The following PATJ variants were observed in gnomAD, a reference collection of about 807,000 sequenced individuals.
PATJ encodes PATJ crumbs cell polarity complex component.
A neutral mutation model predicts 224.9 loss-of-function variants in PATJ; 190 were observed. That is an observed-to-expected ratio of 0.84 (90% CI 0.75 to 0.95). The LOEUF is 0.95. Ranked by LOEUF, PATJ falls within the 40% of genes least tolerant of loss-of-function variation. The probability of loss-of-function intolerance (pLI) is 0.00; values close to 1 mark genes in which losing one functional copy is unlikely to be tolerated. For synonymous variants in PATJ, 769 were observed against 820.3 expected (o/e 0.94, Z 1.07); for missense variants, 2,121 against 2,270.3 (o/e 0.93, Z 1.34).
At chr1:61,919,747 A>G (rs1184171381) in intron 26 of PATJ, among the ~76,000 whole-genome samples, 1 of 152,118 alleles carries the variant, frequency 6.6e-6, no homozygotes, top group Non-Finnish European at 1.5e-5. Flanking sequence ...CCCAAAATGT[A>G]TTTAGAAATA....
chr1:61,876,806 A>C (rs1057373303), intron 21 of PATJ, among the ~76,000 whole-genome samples: 1 of 152,158 alleles, frequency 6.6e-6, no homozygotes, highest in Non-Finnish European at 1.5e-5. Context: ...GAATTTAGAA[A>C]TCATTGTTGA....
chr1:62,153,818 A>G (rs1232313523), intron 43 of PATJ, among the ~76,000 whole-genome samples: 1 of 152,206 alleles, frequency 6.6e-6, no homozygotes, highest in Non-Finnish European at 1.5e-5. Context: ...GAACAAAAAA[A>G]AGATTTGGCT....
intron 1 of PATJ, among the ~76,000 whole-genome samples, chr1:61,749,752 C>G (rs1023614261): frequency 6.6e-6 from 1 of 151,734 alleles, no homozygotes; most frequent in African/African-American, 2.4e-5. Flanking sequence ...GATCATGGCT[C>G]ACTGCAGCCT....
chr1:62,160,688 TTAG>T (rs1226926132), intron 43 of PATJ, among the ~76,000 whole-genome samples: 3 of 151,158 alleles, frequency 2.0e-5, no homozygotes, highest in Non-Finnish European at 4.4e-5. Context: ...AGTATGTTAT[TTAG>T]ATTATCCATA....
chr1:62,121,265 A>G lies in PATJ; in HGVS notation c.4975A>G (p.Arg1659Gly). 2.5e-6 allele frequency: 4 copies of G among 1,613,762 alleles called. No individual in the cohort carries two copies. The highest frequency in any genetic ancestry group is 2.2e-5 in the East Asian group (1 of 44,870). ...TGLQNLVGTKRVSDPSQKNSG... is the reference protein window; with the variant it reads ...TGLQNLVGTKGVSDPSQKNSG... ...CCTGCAAAACCTGGTTGGCACAAAAAGAGTTTCAGATCCTTCCCAGAAAAA... is the reference window on the plus strand; with the variant it reads ...CCTGCAAAACCTGGTTGGCACAAAAGGAGTTTCAGATCCTTCCCAGAAAAA... Residue 1659 changes from arginine (R) to glycine (G), a missense_variant, in exon 38 of 44, where the codon AGA becomes GGA. Physicochemically the swap from Arg to Gly is moderately radical, Grantham distance 125. Coordinates refer to ENST00000642238, the MANE Select transcript of PATJ (RefSeq NM_001350145.3).
chr1:61,836,599 G>T (rs953713047), intron 17 of PATJ, among the ~76,000 whole-genome samples: 1 of 152,158 alleles, frequency 6.6e-6, no homozygotes, highest in Non-Finnish European at 1.5e-5. Context: ...TTTGTCAGTG[G>T]TACCTAGAAC....
chr1:62,161,268 A>T lies in PATJ; in HGVS notation c.*214A>T. 1 of 282,728 alleles carries T rather than the reference A, an allele frequency of 3.5e-6. No homozygotes were observed. 17.5% of individuals were successfully genotyped at this position (282,728 alleles called of 1,614,324 possible). A position where few individuals can be genotyped will look rare whatever the true frequency, so the allele number is the denominator to read the frequency against. ...TCCCAGTTCCTGTCACCTGTTGGCG[A>T]GGTTGATTTCTAAAACTTAAATGAG... On this transcript the variant is annotated 3_prime_UTR_variant, in exon 44 of 44. Transcript: ENST00000642238.
intron 31 of PATJ, chr1:62,073,203 TGACAGGA>T: frequency 7.1e-6 from 7 of 985,418 alleles, no homozygotes; most frequent in Non-Finnish European, 8.4e-6. Flanking sequence ...TTTTATTACT[TGACAGGA>T]GGTTGTGGAG....
intron 30 of PATJ, among the ~76,000 whole-genome samples, chr1:62,050,528 T>A (rs1423143777): frequency 1.3e-5 from 2 of 152,210 alleles, no homozygotes; most frequent in Admixed American, 1.3e-4. Context: ...GGGCTCATGC[T>A]CTCTTGTTAA....
chr1:61,807,334 G>A (rs1653798577), intron 13 of PATJ, among the ~76,000 whole-genome samples: 1 of 151,780 alleles, frequency 6.6e-6, no homozygotes, highest in African/African-American at 2.4e-5. Flanking sequence ...GAGCCACCAC[G>A]CTCGCTTAAT....
At chr1:62,045,887 T>A (rs1652450977) in intron 30 of PATJ, among the ~76,000 whole-genome samples, 1 of 152,110 alleles carries the variant, frequency 6.6e-6, no homozygotes, top group South Asian at 2.1e-4. Context: ...TCATGAGCCA[T>A]TCTGTTCTCA....
In PATJ at chr1:61,774,805, C is replaced by A. The variant is rs548279036; in HGVS notation, c.721-401C>A. Among the ~76,000 whole-genome samples, 11 of 152,192 alleles carry A rather than the reference C, an allele frequency of 7.2e-5. 1 individual carries two copies. In the South Asian group the frequency reaches 2.3e-3, roughly 32 times the overall value. On this transcript the variant is annotated intron_variant, in intron 6 of 43. Transcript: ENST00000642238. ...GGTTTTGACTTCATGTGCTCCCCTC[C>A]CTGTAAAAAATCTTTATAATATTTT...
chr1:62,076,155 A>G lies in PATJ; in HGVS notation c.4126-3295A>G, dbSNP rs1391891066. 2.6e-5 allele frequency among the ~76,000 whole-genome samples: 4 copies of G among 152,164 alleles called. No individual in the cohort carries two copies. The East Asian group carries it at 7.7e-4, about 29-fold the overall frequency. On this transcript the variant is annotated intron_variant, in intron 31 of 43. Transcript: ENST00000642238. The stretch of plus-strand genomic sequence containing the variant: ...TTGTTTTGTTTTTGAGACATCGTTT[A>G]AAGTTAAACCATGGATTCTTAAGCC...
At chr1:61,910,915 G>A (rs937433001) in intron 25 of PATJ, among the ~76,000 whole-genome samples, 8 of 152,082 alleles carry the variant, frequency 5.3e-5, no homozygotes, top group Non-Finnish European at 1.2e-4. Context: ...TTGTAAAATG[G>A]TGCTGTCTTT....
At chr1:62,007,283 G>A (rs1646148624) in intron 28 of PATJ, among the ~76,000 whole-genome samples, 1 of 152,200 alleles carries the variant, frequency 6.6e-6, no homozygotes, top group South Asian at 2.1e-4. Flanking sequence ...GCATCATGAA[G>A]CTGAGACAGA....
At chr1:61,977,859 C>G (rs1644225816) in intron 27 of PATJ, among the ~76,000 whole-genome samples, 1 of 148,414 alleles carries the variant, frequency 6.7e-6, no homozygotes, top group Non-Finnish European at 1.5e-5. Flanking sequence ...CCACTGTACT[C>G]TAGCCTGGGC....
chr1:61,755,525 A>G (rs911795407), intron 1 of PATJ, among the ~76,000 whole-genome samples: 3 of 152,162 alleles, frequency 2.0e-5, no homozygotes, highest in Admixed American at 2.0e-4. Flanking sequence ...AATCTATACT[A>G]TTATCAGAAT....
rs368893643 is a variant in PATJ at position 61,991,498 on chromosome 1, G to C, written c.3867+1134G>C. On this transcript the variant is annotated intron_variant, in intron 28 of 43. Transcript: ENST00000642238. ...CCTCCTCAGACTCTGACTCAGAATAGAATTTACAGTCATCCATAATTTTAC... is the reference window on the plus strand; with the variant it reads ...CCTCCTCAGACTCTGACTCAGAATACAATTTACAGTCATCCATAATTTTAC... The C allele has an allele frequency of 1.1e-5, 11 of 985,324 alleles. No individual in the cohort carries two copies. The South Asian group carries it at 4.7e-4, about 42-fold the overall frequency. The allele number at this position is 985,324 out of a possible 1,614,324, so 61.0% of individuals were successfully genotyped here. A position where few individuals can be genotyped will look rare whatever the true frequency, so the allele number is the denominator to read the frequency against.
chr1:61,835,576 C>T (rs1660049068), intron 17 of PATJ, among the ~76,000 whole-genome samples: 1 of 151,760 alleles, frequency 6.6e-6, no homozygotes, highest in African/African-American at 2.4e-5. Context: ...CCTAACTTTT[C>T]TATTTTTCGT....
Sources: allele counts gnomAD v4.1 joint callset (sites outside exome capture counted in the v4.1 genomes callset), GRCh38; gene constraint gnomAD v4.1.1; transcripts MANE v1.5; gene names NCBI Gene and HGNC (gene_info 2026-07-23, HGNC 2026-07-21).